The following CTNNA3 variants were observed in gnomAD, a reference collection of about 807,000 sequenced individuals.
The protein encoded by CTNNA3 is catenin alpha 3, also known as catenin alpha-3.
Under a neutral mutation model 95.7 loss-of-function variants are expected in CTNNA3, and 76 were observed. That is an observed-to-expected ratio of 0.79 (90% CI 0.66 to 0.96). The LOEUF (loss-of-function observed/expected upper bound fraction) is 0.96. Ranked by LOEUF, CTNNA3 falls within the 40% of genes least tolerant of loss-of-function variation. CTNNA3 has a pLI of 0.00. For synonymous variants in CTNNA3, 431 were observed against 374.4 expected (o/e 1.15, Z -1.74); for missense variants, 1,191 against 1,089.8 (o/e 1.09, Z -1.31).
intron 6 of CTNNA3, among the ~76,000 whole-genome samples, chr10:67,181,067 A>T (rs1862516191): frequency 6.6e-6 from 1 of 152,218 alleles, no homozygotes; most frequent in Admixed American, 6.5e-5. Flanking sequence ...GTCATAGAGC[A>T]AATAAACAGT....
intron 7 of CTNNA3, among the ~76,000 whole-genome samples, chr10:66,938,296 C>G (rs987375222): frequency 5.3e-5 from 8 of 152,050 alleles, no homozygotes; most frequent in African/African-American, 1.9e-4. Flanking sequence ...CCCTCCCATA[C>G]AGTCAAAAAT....
chr10:66,629,953 C>A (rs1589040621), intron 9 of CTNNA3, among the ~76,000 whole-genome samples: 1 of 152,168 alleles, frequency 6.6e-6, no homozygotes, highest in Admixed American at 6.6e-5. Context: ...ATACCTGAAA[C>A]TTCTGCCCAC....
At chr10:67,171,192 T>C (rs925030714) in intron 7 of CTNNA3, among the ~76,000 whole-genome samples, 1 of 152,144 alleles carries the variant, frequency 6.6e-6, no homozygotes, top group Non-Finnish European at 1.5e-5. Flanking sequence ...AAGGTCATGG[T>C]TTTTGTACCA....
intron 7 of CTNNA3, among the ~76,000 whole-genome samples, chr10:67,006,796 A>AT (rs1852017137): frequency 9.3e-6 from 1 of 107,374 alleles, no homozygotes; most frequent in South Asian, 3.3e-4. Context: ...TACAGTCTTA[A>AT]ATTTTTTTTT....
intron 11 of CTNNA3, among the ~76,000 whole-genome samples, chr10:66,446,029 G>C (rs570440088): frequency 6.6e-6 from 1 of 152,280 alleles, no homozygotes; most frequent in African/African-American, 2.4e-5. Flanking sequence ...ACTACCATCA[G>C]AGAATACTAT....
At chr10:67,465,372 ATTTCACAATAAGAGAG>A (rs1224133599) in intron 5 of CTNNA3, among the ~76,000 whole-genome samples, 3 of 152,098 alleles carry the variant, frequency 2.0e-5, no homozygotes, top group African/African-American at 7.2e-5. Context: ...CTCCCCAAGT[ATTTCACAATAAGAGAG>A]TTTGTATATT....
intron 5 of CTNNA3, among the ~76,000 whole-genome samples, chr10:67,484,269 A>C (rs1848362488): frequency 6.6e-6 from 1 of 152,228 alleles, no homozygotes; most frequent in Non-Finnish European, 1.5e-5. Context: ...GACTAGTCAT[A>C]TGCAGAAGAA....
chr10:66,103,124 T>C (rs1290020053), intron 14 of CTNNA3, 33 bp downstream of exon 14: 3 of 1,555,644 alleles, frequency 1.9e-6, no homozygotes, highest in Non-Finnish European at 8.9e-7. Flanking sequence ...AGTGACACAG[T>C]ACATGGTTCT....
chr10:66,213,790 A>T (rs1017774492), intron 13 of CTNNA3, among the ~76,000 whole-genome samples: 2 of 152,140 alleles, frequency 1.3e-5, no homozygotes, highest in African/African-American at 4.8e-5. Context: ...TAATGCGTTT[A>T]ATGTGTAAGA....
intron 7 of CTNNA3, among the ~76,000 whole-genome samples, chr10:67,112,990 C>G (rs541331007): frequency 8.9e-4 from 136 of 152,226 alleles, no homozygotes; most frequent in Non-Finnish European, 1.8e-3. Flanking sequence ...GTAACACAAC[C>G]TGTCTTCTCT....
chr10:67,346,232 C>T (rs1042341240), intron 5 of CTNNA3, among the ~76,000 whole-genome samples: 1 of 152,008 alleles, frequency 6.6e-6, no homozygotes. Context: ...TTGGCTCATC[C>T]TGTAGTCTTT....
intron 9 of CTNNA3, among the ~76,000 whole-genome samples, chr10:66,738,631 A>G (rs1304797650): frequency 6.6e-6 from 1 of 152,176 alleles, no homozygotes; most frequent in Non-Finnish European, 1.5e-5. Flanking sequence ...GATTTGAACA[A>G]GGGGATCTTT....
chr10:67,026,483 G>A (rs962549584), intron 7 of CTNNA3, among the ~76,000 whole-genome samples: 5 of 151,954 alleles, frequency 3.3e-5, no homozygotes. Context: ...AAATAAAGCA[G>A]TGTTATATAA....
At chr10:67,505,360 C>A (rs1839398812) in intron 5 of CTNNA3, among the ~76,000 whole-genome samples, 1 of 152,130 alleles carries the variant, frequency 6.6e-6, no homozygotes, top group Non-Finnish European at 1.5e-5. Context: ...AATTCAGTTA[C>A]CTTTAATTTT....
intron 13 of CTNNA3, among the ~76,000 whole-genome samples, chr10:66,152,411 T>C (rs995304121): frequency 3.3e-5 from 5 of 151,884 alleles, no homozygotes; most frequent in Non-Finnish European, 7.4e-5. Context: ...GAAGCACAGA[T>C]ATACATAATG....
At chr10:67,093,649 C>T (rs1451025291) in intron 7 of CTNNA3, among the ~76,000 whole-genome samples, 2 of 151,454 alleles carry the variant, frequency 1.3e-5, no homozygotes, top group East Asian at 2.0e-4. Flanking sequence ...AAGGACATAC[C>T]CTCCCAACAA....
chr10:67,440,882 T>C (rs986674362), intron 5 of CTNNA3, among the ~76,000 whole-genome samples: 8 of 151,942 alleles, frequency 5.3e-5, no homozygotes, highest in African/African-American at 1.5e-4. Flanking sequence ...AACTCTTCAA[T>C]GCCCAGACAC....
intron 5 of CTNNA3, among the ~76,000 whole-genome samples, chr10:67,331,148 T>C (rs1841777490): frequency 6.6e-6 from 1 of 152,194 alleles, no homozygotes. Context: ...AACTGCCAGA[T>C]TACTGTGTTG....
At chr10:66,430,329 CA>C (rs2093282901) in intron 11 of CTNNA3, among the ~76,000 whole-genome samples, 1 of 152,092 alleles carries the variant, frequency 6.6e-6, no homozygotes, top group Admixed American at 6.6e-5. Flanking sequence ...CCATACTGGC[CA>C]AGGTAATTTA....
Sources: allele counts gnomAD v4.1 joint callset (sites outside exome capture counted in the v4.1 genomes callset), GRCh38; gene constraint gnomAD v4.1.1; transcripts MANE v1.5; gene names NCBI Gene and HGNC (gene_info 2026-07-23, HGNC 2026-07-21).